The following NOTCH1 variants were observed in gnomAD, a reference collection of about 807,000 sequenced individuals.
NOTCH1 encodes the protein notch receptor 1.
Under a neutral mutation model 254.8 loss-of-function variants are expected in NOTCH1, and 37 were observed. The ratio of observed to expected loss-of-function variants is 0.15; its 90% CI spans 0.11 to 0.19. The LOEUF (loss-of-function observed/expected upper bound fraction) is 0.19. Among genes scored for constraint, NOTCH1 ranks in the 10% least tolerant of loss-of-function variants. NOTCH1 has a pLI of 1.00. For missense variants in NOTCH1, 2,972 were observed against 3,708.6 expected (o/e 0.80, Z 5.16); for synonymous variants, 1,731 against 1,618.1 (o/e 1.07, Z -1.68).
rs368494947 is a variant in NOTCH1 at position 136,514,601 on chromosome 9, C to G, written c.2116G>C (p.Glu706Gln). 1.2e-6 allele frequency: 2 copies of G among 1,609,514 alleles called. No individual in the cohort carries two copies. Residue 706 changes from glutamate (E) to glutamine (Q), a missense_variant, in exon 13 of 34, where the codon GAG becomes CAG. This residue lies in a region of NOTCH1 where 1,343 missense variants were observed against 1,557.0 expected (regional missense o/e 0.86). Transcript: ENST00000651671. ...AGGCAGGTGGGGTCGTGGTAGCCCT[C>G]GGGGCAGCGGCAGGTGAAGCCATTG... ...GINGFTCRCP[E>Q]GYHDPTCLSE...
intron 15 of NOTCH1, 144 bp downstream of exon 15, chr9:136,512,877 C>G: frequency 1.5e-6 from 1 of 651,886 alleles, no homozygotes; most frequent in Non-Finnish European, 2.8e-6. Flanking sequence ...AAAGCCACCA[C>G]TTTACCCTCC....
At chr9:136,501,964 C>A (rs1843003912) in intron 29 of NOTCH1, 37 bp downstream of exon 29, 1 of 1,611,340 alleles carries the variant, frequency 6.2e-7, no homozygotes, top group Non-Finnish European at 8.5e-7. Flanking sequence ...GCAGCAGGTG[C>A]CCGGGAGCCC....
chr9:136,531,679 C>A (rs950118222), intron 2 of NOTCH1, among the ~76,000 whole-genome samples: 6 of 152,188 alleles, frequency 3.9e-5, no homozygotes, highest in African/African-American at 1.4e-4. Context: ...GGGGCGTCGG[C>A]ACTGGTGAAA....
chr9:136,498,189 G>A (rs1207275611), intron 33 of NOTCH1, among the ~76,000 whole-genome samples: 1 of 151,426 alleles, frequency 6.6e-6, no homozygotes, highest in Admixed American at 6.6e-5. Flanking sequence ...CCTCACCCAG[G>A]AGGGAGAGAC....
chr9:136,524,095 G>A lies in NOTCH1; in HGVS notation c.141-116C>T, dbSNP rs2133380256. 18 of 1,339,364 alleles carry A rather than the reference G, an allele frequency of 1.3e-5. No homozygotes were observed. In the South Asian group the frequency reaches 2.3e-4, roughly 17 times the overall value. The allele number at this position is 1,339,364 out of a possible 1,614,324, so 83.0% of individuals were successfully genotyped here. On this transcript the variant is annotated intron_variant, in intron 2 of 33. Transcript: ENST00000651671. ...GCCTCCCCCCACACCCCGGGCACGG[G>A]CACAACGGCTGCTTAGCGGGGTTCC...
intron 2 of NOTCH1, among the ~76,000 whole-genome samples, chr9:136,535,225 A>G (rs1273416197): frequency 6.6e-6 from 1 of 151,866 alleles, no homozygotes; most frequent in Non-Finnish European, 1.5e-5. Flanking sequence ...CAGCGGGTGC[A>G]GCCAGGTGGG....
Position 136,495,682 on chromosome 9 carries a change from A to G in NOTCH1, c.*389T>C. The stretch of plus-strand genomic sequence containing the variant: ...GCTCGTTCAACTTCCCTTCTCCAAC[A>G]TCATTTCTTTTTGGATTTTGAAAAA... On this transcript the variant is annotated 3_prime_UTR_variant, in exon 34 of 34. Transcript: ENST00000651671. 1 of 410,672 alleles carries G rather than the reference A, an allele frequency of 2.4e-6. No homozygotes were observed. Among genetic ancestry groups the G allele is most frequent in the Non-Finnish European group, 4.3e-6 (1 of 232,816 alleles). The allele number at this position is 410,672 out of a possible 1,614,324, so 25.4% of individuals were successfully genotyped here.
chr9:136,507,543 G>A (rs1449999833), intron 21 of NOTCH1, 106 bp from the exon 22 acceptor site: 1 of 1,482,364 alleles, frequency 6.7e-7, no homozygotes, highest in African/African-American at 1.4e-5. Context: ...GCTGCCCTCA[G>A]GTCCAGCGAA....
At chr9:136,524,074 C>T (rs1392482311) in intron 2 of NOTCH1, 95 bp from the exon 3 acceptor site, 2 of 1,463,770 alleles carry the variant, frequency 1.4e-6, no homozygotes, top group Non-Finnish European at 1.8e-6. Flanking sequence ...ACAGCCGCCT[C>T]CCCCCACACC....
At chr9:136,527,922 A>T (rs937526221) in intron 2 of NOTCH1, among the ~76,000 whole-genome samples, 1 of 151,964 alleles carries the variant, frequency 6.6e-6, no homozygotes, top group African/African-American at 2.4e-5. Context: ...CCGCCTCAGT[A>T]TTTCCACTGT....
Position 136,496,660 on chromosome 9 carries a change from G to C in NOTCH1, c.7079C>G (p.Ser2360Cys). The change falls in exon 34 of 34, where the codon TCC becomes TGC. Residue 2360 changes from serine (S) to cysteine (C), a missense_variant. Transcript: ENST00000651671. ...LHSSLAASAL[S>C]QMMSYQGLPS... ...CAGGCCCTGGTAGCTCATCATCTGG[G>C]ACAGGGCGCTGGCAGCAAGGCTACT... is the stretch of plus-strand genomic sequence containing the variant. 3.7e-6 allele frequency: 6 copies of C among 1,613,066 alleles called. No individual in the cohort carries two copies. Among genetic ancestry groups the C allele is most frequent in the Non-Finnish European group, 5.1e-6 (6 of 1,179,954 alleles).
Position 136,523,335 on chromosome 9 carries a change from G to A in NOTCH1, c.404-147C>T, listed in dbSNP as rs149862634. 1,400 of 887,480 alleles carry A rather than the reference G, an allele frequency of 1.6e-3. 12 individuals carry two copies. The African/African-American group carries it at 0.02, about 13-fold the overall frequency. 55.0% of individuals were successfully genotyped at this position (887,480 alleles called of 1,614,324 possible). A position where few individuals can be genotyped will look rare whatever the true frequency, so the allele number is the denominator to read the frequency against. On this transcript the variant is annotated intron_variant, in intron 3 of 33. Coordinates refer to ENST00000651671, the MANE Select transcript of NOTCH1 (RefSeq NM_017617.5). ...ATCCTCAGGACCTGCCGTGAGACCG[G>A]TCGCCTTTGGCAGATGAAGGACCAC...
Position 136,513,026 on chromosome 9 carries a change from T to C in NOTCH1, c.2462A>G (p.Tyr821Cys). The C allele has an allele frequency of 2.8e-6, 4 of 1,420,352 alleles. No individual in the cohort carries two copies. The highest frequency in any genetic ancestry group is 3.8e-6 in the Non-Finnish European group (4 of 1,048,748). The allele number at this position is 1,420,352 out of a possible 1,614,324, so 88.0% of individuals were successfully genotyped here. ...AGYKCNCLLP[Y>C]TGATCEVVLA... ...AGGCCCCACCCACCCCTCACCTGTG[T>C]AGGGCAGCAGGCAGTTGCACTTGTA... Residue 821 changes from tyrosine to cysteine, a missense_variant, in exon 15 of 34, where the codon TAC (tyrosine) becomes TGC (cysteine). Around this residue, in one of 8 missense-constraint regions of NOTCH1, gnomAD observed 1,343 missense variants for 1,557.0 expected, o/e 0.86. Transcript: ENST00000651671. This position sits in a 1 kb window ranked among gnomAD's most constrained non-coding sequence, Gnocchi z 4.7.
intron 31 of NOTCH1, among the ~76,000 whole-genome samples, chr9:136,500,306 T>A (rs925040722): frequency 6.6e-6 from 1 of 152,140 alleles, no homozygotes; most frequent in African/African-American, 2.4e-5. Flanking sequence ...GCTGCCTCAC[T>A]CAGCAGATCC....
At position 136,505,731 on chromosome 9, in the gene NOTCH1, T is replaced by C. The variant is rs2133340555; in HGVS notation, c.4165A>G (p.Ser1389Gly). 1 of 1,594,362 alleles carries C rather than the reference T, an allele frequency of 6.3e-7. No homozygotes were observed. The highest frequency in any genetic ancestry group is 8.6e-7 in the Non-Finnish European group (1 of 1,168,368). Residue 1389 changes from serine to glycine, a missense_variant, in exon 25 of 34, where the codon AGC (serine) becomes GGC (glycine). By Grantham distance (56) the Ser-to-Gly change is moderately conservative. Coordinates refer to ENST00000651671, the MANE Select transcript of NOTCH1 (RefSeq NM_017617.5). ...CAGGGGTTGCCGCCCAGGCAGGGGC[T>C]GCTGGCCGGGAACTGGCATTCGGGG... ...TGPECQFPAS[S>G]PCLGGNPCYN...
Position 136,514,758 on chromosome 9 carries a change from G to A in NOTCH1, c.2015-56C>T, listed in dbSNP as rs546191487. The A allele has an allele frequency of 2.4e-5, 37 of 1,540,196 alleles. No homozygotes were observed. The Middle Eastern group carries it at 5.1e-4, about 21-fold the overall frequency. On this transcript the variant is annotated intron_variant, in intron 12 of 33. Transcript: ENST00000651671. Reference sequence around the variant, plus strand: ...CCAGCGCCCAGGGGGTCCCACCCACGTCAACCTCGATTTCCCTGTCTGTTG... The same window carrying A: ...CCAGCGCCCAGGGGGTCCCACCCACATCAACCTCGATTTCCCTGTCTGTTG...
chr9:136,520,426 TG>T (rs1024853520), intron 4 of NOTCH1, among the ~76,000 whole-genome samples: 1 of 151,970 alleles, frequency 6.6e-6, no homozygotes, highest in Non-Finnish European at 1.5e-5. Context: ...CAAATCAGCT[TG>T]GGGAGCACCC....
At chr9:136,531,789 CA>C (rs1843565962) in intron 2 of NOTCH1, among the ~76,000 whole-genome samples, 1 of 152,248 alleles carries the variant, frequency 6.6e-6, no homozygotes, top group Non-Finnish European at 1.5e-5. Context: ...CCCGGGAAAC[CA>C]CCAGGACACC....
rs567724027 is a variant in NOTCH1 at position 136,501,161 on chromosome 9, G to A, written c.5639-314C>T. On this transcript the variant is annotated intron_variant, in intron 30 of 33. Transcript: ENST00000651671. ...TAGAAAATTAATGCTTCAGCAGGAT[G>A]CGGAGGCTCACGCTGTCATCCTAGC... Among the ~76,000 whole-genome samples, 15 of 152,358 alleles carry A rather than the reference G, an allele frequency of 9.8e-5. No individual in the cohort carries two copies. The South Asian group carries it at 1.4e-3, about 15-fold the overall frequency.
Sources: gnomAD v4.1 joint callset for allele counts (sites outside exome capture counted in the v4.1 genomes callset) on GRCh38, gnomAD v4.1.1 for gene constraint, gnomAD v4.1.1 regional missense constraint, Gnocchi (gnomAD v3.1) non-coding constraint, MANE v1.5 for transcripts, NCBI Gene and HGNC (gene_info 2026-07-23, HGNC 2026-07-21) for gene names.